Variants in FAM167A observed in about 807,000 individuals in gnomAD.
FAM167A encodes the protein family with sequence similarity 167 member A, also known as protein FAM167A.
Under a neutral mutation model 14.9 loss-of-function variants are expected in FAM167A, and 23 were observed. The observed-to-expected ratio is 1.55, with a 90% CI of 1.11 to 2.19. The LOEUF (loss-of-function observed/expected upper bound fraction) is 2.19. Among genes scored for constraint, FAM167A ranks in the 30% most tolerant of loss-of-function variants. The probability of loss-of-function intolerance (pLI) is 0.00; values close to 1 mark genes in which losing one functional copy is unlikely to be tolerated. For synonymous variants in FAM167A, 174 were observed against 117.7 expected, an observed-to-expected ratio of 1.48 and a Z score of -3.10; for missense variants, 401 against 281.5, an observed-to-expected ratio of 1.42 and a Z score of -3.04.
upstream of FAM167A, among the ~76,000 whole-genome samples, chr8:11,472,518 C>A (rs113529806): frequency 0.013 from 1,909 of 145,756 alleles, 53 homozygotes; most frequent in African/African-American, 0.046. Context: ...CGGCTCACTG[C>A]AACCTCCGTC....
At chr8:11,440,393 C>T (rs1806364967) in intron 2 of FAM167A, among the ~76,000 whole-genome samples, 1 of 152,238 alleles carries the variant, frequency 6.6e-6, no homozygotes, top group African/African-American at 2.4e-5. Flanking sequence ...TCAGGAGTGA[C>T]AGTCATTTCC....
rs1804864277 is a variant in FAM167A at position 11,422,989 on chromosome 8, G to A, written c.*1384C>T. The stretch of plus-strand genomic sequence containing the variant: ...GGCAAAGCATCACGACCATCTTTGG[G>A]GTTCAAGTTCATTGACATGTGATCT... On this transcript the variant is annotated 3_prime_UTR_variant, in exon 3 of 3. Transcript: ENST00000284486. 6.6e-6 allele frequency: 1 copy of A among 152,598 alleles called. No individual in the cohort carries two copies. Among genetic ancestry groups the A allele is most frequent in the African/African-American group, 2.4e-5 (1 of 41,420 alleles). 9.5% of individuals were successfully genotyped at this position (152,598 alleles called of 1,614,324 possible).
rs1804810440 is a variant in FAM167A at position 11,422,378 on chromosome 8, G to GTT, written c.*1994_*1995insAA. On this transcript the variant is annotated 3_prime_UTR_variant, in exon 3 of 3. Transcript: ENST00000284486. ...GTCGTGTGTGTGTGTGTGGGGGTGT[G>GTT]TGTGTGTGTGTGTGTGTGTGTGTGT... The GTT allele has an allele frequency of 1.2e-5, 1 of 80,142 alleles. No homozygotes were observed. The highest frequency in any genetic ancestry group is 1.1e-4 in the African/African-American group (1 of 8,940). 5.0% of individuals were successfully genotyped at this position (80,142 alleles called of 1,614,324 possible).
chr8:11,448,005 C>T (rs1172079460), intron 1 of FAM167A, among the ~76,000 whole-genome samples: 10 of 152,064 alleles, frequency 6.6e-5, no homozygotes, highest in Admixed American at 5.2e-4. Context: ...ACCAGCCTGA[C>T]CAACATAGTG....
intron 1 of FAM167A, among the ~76,000 whole-genome samples, chr8:11,450,121 C>G (rs899833629): frequency 1.3e-5 from 2 of 152,230 alleles, no homozygotes; most frequent in African/African-American, 4.8e-5. Context: ...ACACCATGCT[C>G]TTTCACACCC....
intron 2 of FAM167A, chr8:11,434,871 CAAGG>C (rs1228451371): frequency 2.7e-6 from 1 of 371,472 alleles, no homozygotes; most frequent in Non-Finnish European, 5.4e-6. Flanking sequence ...GCTGTACACC[CAAGG>C]AAGACATTCT....
chr8:11,468,400 G>T (rs1386484683), upstream of FAM167A, among the ~76,000 whole-genome samples: 1 of 152,246 alleles, frequency 6.6e-6, no homozygotes, highest in East Asian at 1.9e-4. Flanking sequence ...GGGAACCCCA[G>T]GTTACAGGTG....
intron 1 of FAM167A, among the ~76,000 whole-genome samples, chr8:11,458,510 C>T (rs1461106219): frequency 6.6e-6 from 1 of 152,142 alleles, no homozygotes; most frequent in Non-Finnish European, 1.5e-5. Flanking sequence ...AGCACCTGCC[C>T]ATCACCCCTG....
At chr8:11,450,051 C>T (rs1386886894) in intron 1 of FAM167A, among the ~76,000 whole-genome samples, 2 of 152,216 alleles carry the variant, frequency 1.3e-5, no homozygotes, top group Non-Finnish European at 1.5e-5. Context: ...AGAACCCTTT[C>T]GTTTCTTCTC....
chr8:11,424,228 G>T lies in FAM167A; in HGVS notation c.*145C>A. 6.8e-6 allele frequency: 7 copies of T among 1,029,312 alleles called. No individual in the cohort carries two copies. The highest frequency in any genetic ancestry group is 8.4e-6 in the Non-Finnish European group (6 of 717,714). 63.8% of individuals were successfully genotyped at this position (1,029,312 alleles called of 1,614,324 possible). A position where few individuals can be genotyped will look rare whatever the true frequency, so the allele number is the denominator to read the frequency against. On this transcript the variant is annotated 3_prime_UTR_variant, in exon 3 of 3. Coordinates refer to ENST00000284486, the MANE Select transcript of FAM167A (RefSeq NM_053279.3). ...GGCCCCTGGGTGGGAGAGCACCACT[G>T]AATAGGTCCTGGGGCCCTTGAGTCG...
intron 1 of FAM167A, among the ~76,000 whole-genome samples, chr8:11,474,102 T>C (rs762233928): frequency 2.8e-4 from 42 of 152,184 alleles, no homozygotes; most frequent in Non-Finnish European, 4.4e-4. Context: ...CTTGAACCCC[T>C]GACCTCAGGT....
Position 11,454,947 on chromosome 8 carries a change from G to T in FAM167A, c.-397-10139C>A, listed in dbSNP as rs542865152. On this transcript the variant is annotated intron_variant, in intron 1 of 2. Coordinates refer to ENST00000284486, the MANE Select transcript of FAM167A (RefSeq NM_053279.3). ...CCCCTCCTCCTCCGGGGTTGCCATGGCAACTGAGCAGGAGGGACCCTGCTG... is the reference window on the plus strand; with the variant it reads ...CCCCTCCTCCTCCGGGGTTGCCATGTCAACTGAGCAGGAGGGACCCTGCTG... Among the ~76,000 whole-genome samples, 3 of 152,340 alleles carry T rather than the reference G, an allele frequency of 2.0e-5. No homozygotes were observed. The East Asian group carries it at 5.8e-4, about 29-fold the overall frequency.
At chr8:11,466,026 G>A (rs1418728868) in intron 1 of FAM167A, among the ~76,000 whole-genome samples, 4 of 152,122 alleles carry the variant, frequency 2.6e-5, no homozygotes, top group Admixed American at 1.3e-4. Context: ...CCTCCCCCCC[G>A]CCGTCTGTGC....
intron 2 of FAM167A, among the ~76,000 whole-genome samples, chr8:11,442,796 G>A (rs1009568840): frequency 1.3e-5 from 2 of 151,932 alleles, no homozygotes; most frequent in African/African-American, 2.4e-5. Context: ...GCACCCTCTC[G>A]TTACTAAAGA....
At chr8:11,475,120 G>A (rs933080848) in intron 1 of FAM167A, among the ~76,000 whole-genome samples, 9 of 152,144 alleles carry the variant, frequency 5.9e-5, no homozygotes, top group South Asian at 4.1e-4. Flanking sequence ...TCCAGTGGTT[G>A]CAGGAAGGGC....
In FAM167A at chr8:11,423,752, T is replaced by G; in HGVS notation, c.*621A>C. The G allele has an allele frequency of 6.5e-6, 1 of 153,636 alleles. No individual in the cohort carries two copies. Among genetic ancestry groups the G allele is most frequent in the Non-Finnish European group, 1.4e-5 (1 of 69,040 alleles). The allele number at this position is 153,636 out of a possible 1,614,324, so 9.5% of individuals were successfully genotyped here. ...CCCAGCACACGCCAGAATTTACAAT[T>G]TACACAGCCTTATAGTGTCAGGCTC... is the stretch of plus-strand genomic sequence containing the variant. On this transcript the variant is annotated 3_prime_UTR_variant, in exon 3 of 3. Transcript: ENST00000284486.
At chr8:11,470,511 G>A (rs1446257034), upstream of FAM167A, among the ~76,000 whole-genome samples, 2 of 152,192 alleles carry the variant, frequency 1.3e-5, no homozygotes, top group Admixed American at 6.5e-5. Context: ...ACCTCGTGAG[G>A]ACTGGCCTTC....
intron 1 of FAM167A, among the ~76,000 whole-genome samples, chr8:11,452,829 G>A (rs1431769548): frequency 3.9e-5 from 6 of 152,298 alleles, no homozygotes; most frequent in South Asian, 4.1e-4. Flanking sequence ...GTGCCAGCAC[G>A]GGCTGAGCAA....
At position 11,421,499 on chromosome 8, in the gene FAM167A, CT is replaced by C. The variant is rs1804721560; in HGVS notation, c.*2873del. The C allele has an allele frequency of 2.7e-6, 1 of 371,344 alleles. No homozygotes were observed. The highest frequency in any genetic ancestry group is 4.8e-6 in the Non-Finnish European group (1 of 209,326). The allele number at this position is 371,344 out of a possible 1,614,324, so 23.0% of individuals were successfully genotyped here. ...CCTTTTATTTTTATATGGATATCTT[CT>C]TTTGAAGTATTTTTATTTCACTTTT... is the stretch of plus-strand genomic sequence containing the variant. On this transcript the variant is annotated 3_prime_UTR_variant, in exon 3 of 3. Transcript: ENST00000284486.
Sources: allele counts gnomAD v4.1 joint callset (sites outside exome capture counted in the v4.1 genomes callset), GRCh38; gene constraint gnomAD v4.1.1; transcripts MANE v1.5; gene names NCBI Gene and HGNC (gene_info 2026-07-23, HGNC 2026-07-21).